AGBL4: variants seen among roughly 807,000 people sequenced by gnomAD.
The protein encoded by AGBL4 is cytosolic carboxypeptidase 6.
A neutral mutation model predicts 66.4 loss-of-function variants in AGBL4; 58 were observed. That is an observed-to-expected ratio of 0.87 (90% CI 0.71 to 1.09). The LOEUF is 1.09. Among genes scored for constraint, AGBL4 ranks in the 50% least tolerant of loss-of-function variants. AGBL4 has a pLI of 0.00. For missense variants in AGBL4, 579 were observed against 631.0 expected, an observed-to-expected ratio of 0.92 and a Z score of 0.88; for synonymous variants, 234 against 222.9, an observed-to-expected ratio of 1.05 and a Z score of -0.44.
chr1:49,186,802 G>A (rs895475643), intron 4 of AGBL4, among the ~76,000 whole-genome samples: 15 of 152,124 alleles, frequency 9.9e-5, no homozygotes, highest in Admixed American at 9.2e-4. Flanking sequence ...AATAACATAA[G>A]TAAAATCATG....
intron 4 of AGBL4, among the ~76,000 whole-genome samples, chr1:49,203,878 G>A (rs1190176410): frequency 1.3e-5 from 2 of 152,202 alleles, no homozygotes; most frequent in South Asian, 2.1e-4. Context: ...CAATATGCAT[G>A]TAGTTAAAAA....
intron 5 of AGBL4, among the ~76,000 whole-genome samples, chr1:48,877,059 G>A (rs1168395924): frequency 1.3e-5 from 2 of 152,142 alleles, no homozygotes; most frequent in African/African-American, 4.8e-5. Context: ...AAAGTAAACT[G>A]AGGCCACAGA....
intron 1 of AGBL4, among the ~76,000 whole-genome samples, chr1:49,924,242 G>C (rs1280351083): frequency 2.0e-5 from 3 of 152,142 alleles, no homozygotes; most frequent in African/African-American, 7.2e-5. Context: ...TAAATGATGA[G>C]AACACATTGA....
rs200766621 is a variant in AGBL4, at chr1:49,318,353, G to A, written c.283-72489C>T. 2.0e-5 allele frequency among the ~76,000 whole-genome samples: 3 copies of A among 151,466 alleles called. No individual in the cohort carries two copies. The East Asian group carries it at 5.8e-4, about 29-fold the overall frequency. Reference sequence around the variant, plus strand: ...CAAAACACAAATGCATTAGTTTATGGCAGGAATACAACATACGGGAATATT... The same window carrying A: ...CAAAACACAAATGCATTAGTTTATGACAGGAATACAACATACGGGAATATT... On this transcript the variant is annotated intron_variant, in intron 3 of 13. Transcript: ENST00000371839.
intron 3 of AGBL4, among the ~76,000 whole-genome samples, chr1:49,605,545 A>G (rs1459377026): frequency 1.3e-5 from 2 of 152,306 alleles, no homozygotes; most frequent in African/African-American, 4.8e-5. Context: ...TAAAACATGT[A>G]TTAGTTTGAC....
chr1:49,149,895 A>G (rs1460525503), intron 4 of AGBL4, among the ~76,000 whole-genome samples: 4 of 152,322 alleles, frequency 2.6e-5, no homozygotes, highest in African/African-American at 9.6e-5. Context: ...GCATTTGACA[A>G]CAAAGAATAT....
At chr1:48,801,954 C>G (rs17104886) in intron 6 of AGBL4, among the ~76,000 whole-genome samples, 1,569 of 152,038 alleles carry the variant, frequency 0.01, 24 homozygotes, top group African/African-American at 0.035. Flanking sequence ...TAAAGACATC[C>G]CTTGGTCTCC....
intron 5 of AGBL4, among the ~76,000 whole-genome samples, chr1:48,906,515 T>C (rs1390997233): frequency 2.0e-5 from 3 of 151,926 alleles, no homozygotes; most frequent in African/African-American, 4.8e-5. Flanking sequence ...TTACGACAAA[T>C]TGGAAAGGGA....
rs533331009 is a variant in AGBL4 at position 49,977,745 on chromosome 1, C to A, written c.34+46018G>T. On this transcript the variant is annotated intron_variant, in intron 1 of 13. Transcript: ENST00000371839. ...GGCTAATTTTTGTCACACACACACA[C>A]AAAAAACTTCAGCCTGTCTATCCAT... Among the ~76,000 whole-genome samples the A allele has an allele frequency of 3.0e-4, 45 of 152,272 alleles. No individual in the cohort carries two copies. The South Asian group carries it at 4.8e-3, about 16-fold the overall frequency.
At chr1:49,224,632 A>AG (rs1433394989) in intron 4 of AGBL4, among the ~76,000 whole-genome samples, 4 of 151,780 alleles carry the variant, frequency 2.6e-5, no homozygotes, top group South Asian at 2.1e-4. Context: ...AAAAAAAAAA[A>AG]AAAAGAAATT....
intron 5 of AGBL4, among the ~76,000 whole-genome samples, chr1:48,975,725 G>A (rs1033346326): frequency 6.6e-6 from 1 of 152,134 alleles, no homozygotes; most frequent in African/African-American, 2.4e-5. Flanking sequence ...ATACAAGTAA[G>A]TTGCATGAAC....
At chr1:48,681,645 T>G (rs888728667) in intron 6 of AGBL4, among the ~76,000 whole-genome samples, 7 of 152,208 alleles carry the variant, frequency 4.6e-5, no homozygotes, top group African/African-American at 1.7e-4. Flanking sequence ...ATGACTAATC[T>G]TCTAGGTTTC....
intron 3 of AGBL4, among the ~76,000 whole-genome samples, chr1:49,691,699 T>C (rs1018025868): frequency 6.6e-6 from 1 of 152,082 alleles, no homozygotes. Context: ...AGATTAACAT[T>C]TGAGTCAGTT....
chr1:49,969,397 T>C (rs762588277), intron 1 of AGBL4, among the ~76,000 whole-genome samples: 2 of 152,064 alleles, frequency 1.3e-5, no homozygotes, highest in African/African-American at 4.8e-5. Context: ...ATGTGTATGA[T>C]ACAGGCATAT....
chr1:49,302,683 C>T (rs981746323), intron 3 of AGBL4, among the ~76,000 whole-genome samples: 5 of 76,626 alleles, frequency 6.5e-5, no homozygotes, highest in African/African-American at 1.3e-4. Flanking sequence ...ATTTTATATT[C>T]CTAGAGATAT....
intron 8 of AGBL4, among the ~76,000 whole-genome samples, chr1:48,641,351 T>C (rs891230287): frequency 7.7e-5 from 11 of 143,514 alleles, no homozygotes; most frequent in South Asian, 6.7e-4. Context: ...CAGTGTCCTT[T>C]GTCCCAAACA....
intron 2 of AGBL4, among the ~76,000 whole-genome samples, chr1:49,747,421 A>G (rs1305938061): frequency 6.6e-6 from 1 of 152,182 alleles, no homozygotes; most frequent in African/African-American, 2.4e-5. Flanking sequence ...TGTGGGATAA[A>G]TATAACATAA....
chr1:48,866,891 C>G (rs1648147667), intron 6 of AGBL4, among the ~76,000 whole-genome samples: 2 of 152,126 alleles, frequency 1.3e-5, no homozygotes, highest in South Asian at 4.1e-4. Context: ...TGGGAGACTT[C>G]CTTGACACGT....
At chr1:48,859,319 C>A in intron 6 of AGBL4, among the ~76,000 whole-genome samples, 1 of 152,194 alleles carries the variant, frequency 6.6e-6, no homozygotes, top group Non-Finnish European at 1.5e-5. Flanking sequence ...GTCAGGGAAT[C>A]AACACCTCCA....
Sources: allele counts gnomAD v4.1 joint callset (sites outside exome capture counted in the v4.1 genomes callset), GRCh38; gene constraint gnomAD v4.1.1; transcripts MANE v1.5; gene names NCBI Gene and HGNC (gene_info 2026-07-23, HGNC 2026-07-21).